Variants in TUSC3 observed in about 807,000 individuals in gnomAD.
The protein encoded by TUSC3 is tumor suppressor candidate 3.
In TUSC3, 45 loss-of-function variants were observed where a neutral mutation model predicts 44.8. The observed-to-expected ratio is 1.00, with a 90% confidence interval of 0.79 to 1.29. The LOEUF (loss-of-function observed/expected upper bound fraction) is 1.29, where lower values mean the gene tolerates loss of function less well. Among genes scored for constraint, TUSC3 ranks in the 50% most tolerant of loss-of-function variants. The pLI is 0.00. For synonymous variants in TUSC3, 212 were observed against 152.9 expected (o/e 1.39, Z -2.85); for missense variants, 519 against 437.9 (o/e 1.19, Z -1.65).
chr8:15,617,860 T>G (rs1306784567), intron 1 of TUSC3, among the ~76,000 whole-genome samples: 1 of 152,194 alleles, frequency 6.6e-6, no homozygotes, highest in East Asian at 1.9e-4. Flanking sequence ...TGTCTACTGT[T>G]GTGTTATTTA....
chr8:15,504,327 C>G (rs1443651124), intron 2 of TUSC3, among the ~76,000 whole-genome samples: 1 of 151,756 alleles, frequency 6.6e-6, no homozygotes, highest in Non-Finnish European at 1.5e-5. Context: ...CTTCTAAAAC[C>G]TCATAGAGGT....
chr8:15,781,354 A>G, the TUSC3 span, among the ~76,000 whole-genome samples: 3 of 152,228 alleles, frequency 2.0e-5, no homozygotes, highest in Non-Finnish European at 2.9e-5. Context: ...AGTATATGGT[A>G]TATCCTAATC....
intron 1 of TUSC3, among the ~76,000 whole-genome samples, chr8:15,431,180 C>T (rs1799868369): frequency 6.6e-6 from 1 of 151,314 alleles, no homozygotes; most frequent in Admixed American, 6.6e-5. Flanking sequence ...ATTGTGGTTC[C>T]CTATGAATTT....
At chr8:15,440,324 C>G (rs967227761) in intron 1 of TUSC3, among the ~76,000 whole-genome samples, 1 of 152,112 alleles carries the variant, frequency 6.6e-6, no homozygotes, top group East Asian at 1.9e-4. Flanking sequence ...ATGGGATGGG[C>G]TTGGAGAAAG....
chr8:15,634,403 G>C (rs1290918558), intron 2 of TUSC3, among the ~76,000 whole-genome samples: 1 of 152,168 alleles, frequency 6.6e-6, no homozygotes, highest in African/African-American at 2.4e-5. Context: ...GCCACTAGCA[G>C]GCCATCCCTT....
At chr8:15,694,620 G>A (rs1052616351) in intron 6 of TUSC3, among the ~76,000 whole-genome samples, 19 of 151,834 alleles carry the variant, frequency 1.3e-4, no homozygotes, top group Non-Finnish European at 2.1e-4. Context: ...TCTTTTATCC[G>A]CTTTGATATC....
intron 1 of TUSC3, among the ~76,000 whole-genome samples, chr8:15,582,038 A>C (rs1479547906): frequency 1.3e-5 from 2 of 152,024 alleles, no homozygotes; most frequent in African/African-American, 4.8e-5. Context: ...CCGGTCTGAA[A>C]AGCGCAATAT....
downstream of TUSC3, among the ~76,000 whole-genome samples, chr8:15,770,697 AGT>A (rs1260605672): frequency 2.6e-5 from 4 of 152,320 alleles, no homozygotes; most frequent in Middle Eastern, 6.8e-3. Flanking sequence ...TAAAACAATC[AGT>A]GAACTTGAAG....
intron 1 of TUSC3, among the ~76,000 whole-genome samples, chr8:15,455,069 T>A (rs1274917977): frequency 6.6e-6 from 1 of 152,158 alleles, no homozygotes; most frequent in Non-Finnish European, 1.5e-5. Flanking sequence ...GACTTTGACC[T>A]GGGCCAGGAG....
chr8:15,610,687 C>A (rs1277474504), intron 1 of TUSC3, among the ~76,000 whole-genome samples: 2 of 152,028 alleles, frequency 1.3e-5, no homozygotes, highest in Non-Finnish European at 2.9e-5. Flanking sequence ...GAAGTAAACC[C>A]CTTTAAAAAA....
intron 5 of TUSC3, among the ~76,000 whole-genome samples, chr8:15,671,884 TA>T (rs1321751535): frequency 1.3e-5 from 2 of 152,002 alleles, no homozygotes; most frequent in African/African-American, 4.8e-5. Context: ...TCAGGATTTC[TA>T]GCTGAGGATG....
intron 6 of TUSC3, among the ~76,000 whole-genome samples, chr8:15,719,405 C>G (rs1244326603): frequency 6.6e-6 from 1 of 151,762 alleles, no homozygotes; most frequent in Non-Finnish European, 1.5e-5. Flanking sequence ...TAAATTGCAA[C>G]CTGCTCCCCA....
chr8:15,782,401 C>T, the TUSC3 span, among the ~76,000 whole-genome samples: 83 of 152,176 alleles, frequency 5.5e-4, no homozygotes, highest in African/African-American at 1.9e-3. Flanking sequence ...ATCAGTTGGG[C>T]TCAGGAATTT....
At chr8:15,420,060 T>C (rs1384031568) in intron 1 of TUSC3, among the ~76,000 whole-genome samples, 1 of 152,172 alleles carries the variant, frequency 6.6e-6, no homozygotes, top group Non-Finnish European at 1.5e-5. Flanking sequence ...TATATTATTT[T>C]TGATGTAATG....
chr8:15,606,210 A>C (rs1405573500), intron 1 of TUSC3, among the ~76,000 whole-genome samples: 4 of 152,034 alleles, frequency 2.6e-5, no homozygotes, highest in African/African-American at 4.8e-5. Context: ...TTTTAAACAG[A>C]TGATTCATCT....
chr8:15,571,358 A>G (rs550799353), intron 1 of TUSC3, among the ~76,000 whole-genome samples: 2 of 152,288 alleles, frequency 1.3e-5, no homozygotes, highest in East Asian at 3.9e-4. Flanking sequence ...AGCAAATATT[A>G]CAATAAAGAG....
At position 15,540,375 on chromosome 8, in the gene TUSC3, G is replaced by T. The variant is rs1287011749; in HGVS notation, c.-56G>T. ...GGCTGGCCGGGCAGGCGTGGTGCGC[G>T]GTAGGAGCTGGGCGCGCACGGCTAC... On this transcript the variant is annotated 5_prime_UTR_variant, in exon 1 of 11. Coordinates refer to ENST00000503731, the MANE Select transcript of TUSC3 (RefSeq NM_006765.4). 1 of 1,473,558 alleles carries T rather than the reference G, an allele frequency of 6.8e-7. No homozygotes were observed. The highest frequency in any genetic ancestry group is 2.9e-5 in the East Asian group (1 of 35,066). The allele number at this position is 1,473,558 out of a possible 1,614,324, so 91.3% of individuals were successfully genotyped here.
intron 2 of TUSC3, among the ~76,000 whole-genome samples, chr8:15,488,245 C>G (rs1244905908): frequency 6.6e-6 from 1 of 151,724 alleles, no homozygotes; most frequent in African/African-American, 2.4e-5. Flanking sequence ...GTGGCTCAGA[C>G]CTATAATCCT....
At chr8:15,502,253 C>T (rs6530881) in intron 2 of TUSC3, among the ~76,000 whole-genome samples, 126,816 of 152,168 alleles carry the variant, frequency 0.83, 52,990 homozygotes, top group Admixed American at 0.88. Context: ...TGCTTAGTTT[C>T]GTGTATATAT....
Sources: allele counts gnomAD v4.1 joint callset (sites outside exome capture counted in the v4.1 genomes callset), GRCh38; gene constraint gnomAD v4.1.1; transcripts MANE v1.5; gene names NCBI Gene and HGNC (gene_info 2026-07-23, HGNC 2026-07-21).